WWOX: variants seen among roughly 807,000 people sequenced by gnomAD.
WWOX encodes the protein WW domain containing oxidoreductase.
In WWOX, 69 loss-of-function variants were observed where a neutral mutation model predicts 46.2. The ratio of observed to expected loss-of-function variants is 1.49; its 90% CI spans 1.23 to 1.82. The LOEUF (loss-of-function observed/expected upper bound fraction) is 1.82, where lower values mean the gene tolerates loss of function less well. Among genes scored for constraint, WWOX ranks in the 40% most tolerant of loss-of-function variants. The pLI, the probability that WWOX is intolerant of heterozygous loss-of-function variation, is 0.00. For missense variants in WWOX, 919 were observed against 542.6 expected, an observed-to-expected ratio of 1.69 and a Z score of -6.89; for synonymous variants, 359 against 202.6, an observed-to-expected ratio of 1.77 and a Z score of -6.56.
intron 8 of WWOX, among the ~76,000 whole-genome samples, chr16:79,024,559 G>A (rs1475478145): frequency 2.0e-5 from 3 of 151,910 alleles, no homozygotes; most frequent in African/African-American, 4.8e-5. Context: ...TCAGCCTCCC[G>A]AGTAGCTGGG....
Position 78,565,498 on chromosome 16 carries a change from A to G in WWOX, c.1056+132746A>G, listed in dbSNP as rs530210851. Among the ~76,000 whole-genome samples, 26 of 152,234 alleles carry G rather than the reference A, an allele frequency of 1.7e-4. No homozygotes were observed. In the South Asian group the frequency reaches 4.8e-3, roughly 28 times the overall value. ...GATTCCTCTTCCGTTGTCCCATCAC[A>G]TTCTCCTCATCTGGCCCTCTGGCCA... On this transcript the variant is annotated intron_variant, in intron 8 of 8. Transcript: ENST00000566780.
At chr16:78,363,900 C>T (rs192833589) in intron 5 of WWOX, among the ~76,000 whole-genome samples, 1 of 152,342 alleles carries the variant, frequency 6.6e-6, no homozygotes, top group Non-Finnish European at 1.5e-5. Context: ...ATGGAGACCC[C>T]AGGCCGTCTC....
chr16:78,480,617 T>C (rs1035076408), intron 8 of WWOX, among the ~76,000 whole-genome samples: 2 of 152,214 alleles, frequency 1.3e-5, no homozygotes, highest in Admixed American at 6.5e-5. Flanking sequence ...GCATATTGGC[T>C]CTCAATTTAA....
At chr16:78,735,433 G>T (rs1439245232) in intron 8 of WWOX, among the ~76,000 whole-genome samples, 1 of 107,728 alleles carries the variant, frequency 9.3e-6, no homozygotes, top group Non-Finnish European at 1.7e-5. Flanking sequence ...ACACTAATAT[G>T]GTTCTGATTC....
chr16:79,059,972 C>G (rs139976482), intron 8 of WWOX, among the ~76,000 whole-genome samples: 67 of 152,264 alleles, frequency 4.4e-4, no homozygotes, highest in African/African-American at 1.6e-3. Context: ...AAAGTTTGTC[C>G]TTGGCAATTC....
chr16:79,160,405 TCACAG>T (rs1488513975), intron 8 of WWOX, among the ~76,000 whole-genome samples: 1 of 151,992 alleles, frequency 6.6e-6, no homozygotes, highest in Non-Finnish European at 1.5e-5. Context: ...CCTAGACAAA[TCACAG>T]CACCTCAGGA....
At chr16:79,087,260 C>A (rs991031000) in intron 8 of WWOX, among the ~76,000 whole-genome samples, 13 of 152,174 alleles carry the variant, frequency 8.5e-5, no homozygotes, top group African/African-American at 2.9e-4. Context: ...CAGCCAGGAG[C>A]GTGTGAAGCA....
Position 78,500,926 on chromosome 16 carries a change from C to T in WWOX, c.1056+68174C>T, listed in dbSNP as rs2738736. ...AAGCCAGTGTGTCTCTTTCTCTGGACGGCCAAGTGATGCAGGTACCACGCT... is the reference window on the plus strand; with the variant it reads ...AAGCCAGTGTGTCTCTTTCTCTGGATGGCCAAGTGATGCAGGTACCACGCT... On this transcript the variant is annotated intron_variant, in intron 8 of 8. Transcript: ENST00000566780. Among the ~76,000 whole-genome samples the T allele has an allele frequency of 3.9e-5, 6 of 152,134 alleles. 1 individual carries two copies. Among genetic ancestry groups the T allele is most frequent in the South Asian group, 4.2e-4 (2 of 4,818 alleles).
chr16:78,551,676 C>T (rs2044176705), intron 8 of WWOX: 1 of 144,058 alleles, frequency 6.9e-6, no homozygotes, highest in Non-Finnish European at 1.5e-5. Flanking sequence ...CCCCGTTTCT[C>T]AGATCACACA....
intron 8 of WWOX, among the ~76,000 whole-genome samples, chr16:78,741,644 C>G (rs1295257399): frequency 6.6e-6 from 1 of 152,106 alleles, no homozygotes; most frequent in East Asian, 1.9e-4. Context: ...CACTTGAGGT[C>G]AGGAGTTCAA....
intron 8 of WWOX, among the ~76,000 whole-genome samples, chr16:78,650,100 A>G (rs1300523446): frequency 6.6e-6 from 1 of 152,206 alleles, no homozygotes; most frequent in African/African-American, 2.4e-5. Flanking sequence ...CTGAAATGTC[A>G]GAGGAAGGAG....
At chr16:78,726,760 T>G (rs2048846475) in intron 8 of WWOX, among the ~76,000 whole-genome samples, 1 of 152,054 alleles carries the variant, frequency 6.6e-6, no homozygotes, top group African/African-American at 2.4e-5. Flanking sequence ...GTGGTTGAAT[T>G]TCCCTCTGTG....
chr16:78,957,447 G>C (rs2046190060), intron 8 of WWOX, among the ~76,000 whole-genome samples: 1 of 152,180 alleles, frequency 6.6e-6, no homozygotes, highest in Non-Finnish European at 1.5e-5. Flanking sequence ...TCAACAGCCA[G>C]TGGCTCATTG....
intron 6 of WWOX, among the ~76,000 whole-genome samples, chr16:78,411,556 G>A (rs577921171): frequency 6.6e-6 from 1 of 152,284 alleles, no homozygotes; most frequent in African/African-American, 2.4e-5. Flanking sequence ...AGTTGTGGCT[G>A]TTGCTCAGAA....
At chr16:78,388,479 C>G (rs559889998) in intron 6 of WWOX, among the ~76,000 whole-genome samples, 2 of 151,844 alleles carry the variant, frequency 1.3e-5, no homozygotes, top group South Asian at 2.1e-4. Flanking sequence ...AACCCCATCT[C>G]TACTAAAGAT....
intron 5 of WWOX, among the ~76,000 whole-genome samples, chr16:78,321,789 C>A (rs1010116506): frequency 2.0e-5 from 3 of 152,212 alleles, no homozygotes; most frequent in South Asian, 4.1e-4. Context: ...CAGTGGCTGT[C>A]GTCTGTTAGT....
intron 8 of WWOX, chr16:78,551,512 C>G (rs2044171501): frequency 6.6e-6 from 1 of 152,206 alleles, no homozygotes; most frequent in Admixed American, 6.5e-5. Context: ...CTAAGGTGTT[C>G]TGTTCCTGTC....
At chr16:78,911,308 G>A (rs1029247484) in intron 8 of WWOX, among the ~76,000 whole-genome samples, 2 of 152,038 alleles carry the variant, frequency 1.3e-5, no homozygotes, top group African/African-American at 2.4e-5. Flanking sequence ...TCCCATTTCA[G>A]TGCATACTTG....
intron 8 of WWOX, among the ~76,000 whole-genome samples, chr16:79,099,068 C>G (rs969320052): frequency 7.2e-5 from 11 of 152,144 alleles, no homozygotes; most frequent in Admixed American, 4.6e-4. Context: ...GTGCAGAGAT[C>G]ACATGGGCAG....
Sources: gnomAD v4.1 joint callset for allele counts (sites outside exome capture counted in the v4.1 genomes callset) on GRCh38, gnomAD v4.1.1 for gene constraint, MANE v1.5 for transcripts, NCBI Gene and HGNC (gene_info 2026-07-23, HGNC 2026-07-21) for gene names.